Variants in TRIM69 observed in about 807,000 individuals in gnomAD.
The protein encoded by TRIM69 is E3 ubiquitin-protein ligase TRIM69.
TRIM69 carries 29 observed loss-of-function variants against 37.7 expected under a neutral mutation model. The ratio of observed to expected loss-of-function variants is 0.77; its 90% CI spans 0.57 to 1.05. The LOEUF (loss-of-function observed/expected upper bound fraction) is 1.05, where lower values mean the gene tolerates loss of function less well. Among genes scored for constraint, TRIM69 ranks in the 50% least tolerant of loss-of-function variants. The pLI is 0.00. For missense variants in TRIM69, 596 were observed against 579.9 expected (o/e 1.03, Z -0.28); for synonymous variants, 209 against 212.4 (o/e 0.98, Z 0.14).
At chr15:44,756,848 A>G (rs573455108) in intron 3 of TRIM69, 2 of 162,068 alleles carry the variant, frequency 1.2e-5, no homozygotes, top group African/African-American at 4.8e-5. Flanking sequence ...CTTTGAGTTT[A>G]TAACCAGACA....
intron 2 of TRIM69, among the ~76,000 whole-genome samples, chr15:44,755,911 A>G (rs544923394): frequency 6.6e-6 from 1 of 152,240 alleles, no homozygotes; most frequent in African/African-American, 2.4e-5. Context: ...GTTCCAAGTG[A>G]GAACAACACA....
At chr15:44,738,546 C>T (rs571818754) in intron 1 of TRIM69, among the ~76,000 whole-genome samples, 85 of 152,204 alleles carry the variant, frequency 5.6e-4, no homozygotes, top group Non-Finnish European at 9.6e-4. Context: ...TTTAGACTCT[C>T]ATTTGGTTTC....
At chr15:44,750,500 T>C (rs2087495831) in intron 1 of TRIM69, among the ~76,000 whole-genome samples, 2 of 152,128 alleles carry the variant, frequency 1.3e-5, no homozygotes, top group African/African-American at 4.8e-5. Context: ...AAATTTTCCA[T>C]CTCATCTGGG....
chr15:44,760,134 G>A (rs1358076213), intron 6 of TRIM69, among the ~76,000 whole-genome samples: 1 of 152,164 alleles, frequency 6.6e-6, no homozygotes, highest in Non-Finnish European at 1.5e-5. Flanking sequence ...ATGAAATGTG[G>A]CAACAGCCAA....
In TRIM69 at chr15:44,767,648, A is replaced by C. The variant is rs1011439676; in HGVS notation, c.1379A>C (p.Lys460Thr). The C allele has an allele frequency of 6.2e-7, 1 of 1,614,200 alleles. No homozygotes were observed. Among genetic ancestry groups the C allele is most frequent in the Non-Finnish European group, 8.5e-7 (1 of 1,180,030 alleles). ...EGGQLSFYNA[K>T]TMTHIYTFSN... ...GGACAGTTGTCCTTCTACAATGCTA[A>C]AACCATGACTCACATTTACACCTTC... is the stretch of plus-strand genomic sequence containing the variant. The change falls in exon 7 of 7, where the codon AAA becomes ACA. Residue 460 changes from lysine (K) to threonine (T), a missense_variant. By Grantham distance (78) the Lys-to-Thr change is moderately conservative. Transcript: ENST00000329464.
chr15:44,743,809 G>C (rs569059760), intron 1 of TRIM69, among the ~76,000 whole-genome samples: 2 of 152,300 alleles, frequency 1.3e-5, no homozygotes, highest in South Asian at 4.1e-4. Flanking sequence ...GGAAACAACA[G>C]GTGCTACAGA....
chr15:44,760,007 G>C lies in TRIM69; in HGVS notation c.961+135G>C. ...GTACAGTTTGGCCAAAAGGAGGCTA[G>C]TTGGTATGACTGAATTTCTTCTAGT... On this transcript the variant is annotated intron_variant, in intron 6 of 6. Coordinates refer to ENST00000329464, the MANE Select transcript of TRIM69 (RefSeq NM_182985.5). 3.2e-6 allele frequency: 3 copies of C among 933,784 alleles called. No individual in the cohort carries two copies. In the South Asian group the frequency reaches 5.5e-5, roughly 17 times the overall value. The allele number at this position is 933,784 out of a possible 1,614,324, so 57.8% of individuals were successfully genotyped here.
intron 1 of TRIM69, among the ~76,000 whole-genome samples, chr15:44,743,466 G>A (rs994988378): frequency 3.6e-4 from 55 of 152,260 alleles, no homozygotes; most frequent in African/African-American, 1.3e-3. Flanking sequence ...TGACAAATGC[G>A]ATCTAATTAA....
chr15:44,756,147 C>G (rs929763309), intron 2 of TRIM69, among the ~76,000 whole-genome samples: 2 of 152,174 alleles, frequency 1.3e-5, no homozygotes, highest in African/African-American at 4.8e-5. Flanking sequence ...CCATCTCAGT[C>G]TCCCAAAGTG....
chr15:44,759,761 A>AT lies in TRIM69; in HGVS notation c.851dup (p.Met284IlefsTer47), dbSNP rs2087733516. The AT allele has an allele frequency of 1.2e-6, 2 of 1,614,082 alleles. No homozygotes were observed. The highest frequency in any genetic ancestry group is 1.7e-6 in the Non-Finnish European group (2 of 1,180,040). ...TGTGCCCTGCAGCTTGGAGCAAGGA[A>AT]TGAAGGTGCTGGCAACCAGAGAGCT... On this transcript the variant is annotated frameshift_variant, in exon 6 of 7. Coordinates refer to ENST00000329464, the MANE Select transcript of TRIM69 (RefSeq NM_182985.5). LOFTEE classifies it high-confidence loss of function.
intron 6 of TRIM69, among the ~76,000 whole-genome samples, chr15:44,762,549 T>C (rs1307352108): frequency 6.6e-6 from 1 of 152,100 alleles, no homozygotes; most frequent in African/African-American, 2.4e-5. Flanking sequence ...TATTCAGTAC[T>C]TTTTTAGCCT....
intron 1 of TRIM69, among the ~76,000 whole-genome samples, chr15:44,746,203 G>A (rs1447594279): frequency 6.6e-6 from 1 of 152,146 alleles, no homozygotes; most frequent in African/African-American, 2.4e-5. Flanking sequence ...GAGAGCAATG[G>A]GATGACATCT....
intron 6 of TRIM69, among the ~76,000 whole-genome samples, 180 bp from the exon 7 acceptor site, chr15:44,767,051 C>T (rs2087903160): frequency 3.4e-4 from 1 of 2,924 alleles, no homozygotes; most frequent in African/African-American, 6.3e-4. Flanking sequence ...CCTTGTCTGC[C>T]TCAAAAAAAA....
At chr15:44,739,240 A>C (rs879659428) in intron 1 of TRIM69, among the ~76,000 whole-genome samples, 14 of 152,140 alleles carry the variant, frequency 9.2e-5, no homozygotes, top group Non-Finnish European at 1.5e-4. Flanking sequence ...AAACACACGG[A>C]GGGGGCAGCC....
In TRIM69 at chr15:44,748,581, T is replaced by G. The variant is rs375329142; in HGVS notation, c.7-6319T>G. On this transcript the variant is annotated intron_variant, in intron 1 of 6. Transcript: ENST00000329464. ...GGCTCATGCCTGTAATCTCAGCACT[T>G]TGGGAGGCCAAGGTGGGTGGATCAC... Among the ~76,000 whole-genome samples, 52 of 151,974 alleles carry G rather than the reference T, an allele frequency of 3.4e-4. 1 individual carries two copies. Among genetic ancestry groups the G allele is most frequent in the East Asian group, 2.3e-3 (12 of 5,108 alleles).
intron 1 of TRIM69, among the ~76,000 whole-genome samples, chr15:44,745,940 A>G (rs1158906476): frequency 6.6e-6 from 1 of 152,168 alleles, no homozygotes; most frequent in African/African-American, 2.4e-5. Context: ...CCCAGAAGAG[A>G]GGAGAGAAGG....
chr15:44,762,971 T>C (rs2087809470), intron 6 of TRIM69, among the ~76,000 whole-genome samples: 1 of 152,160 alleles, frequency 6.6e-6, no homozygotes, highest in Non-Finnish European at 1.5e-5. Flanking sequence ...ACTGAGAAGA[T>C]AGTATAGAGT....
At chr15:44,759,685 A>G (rs749913886) in intron 5 of TRIM69, 23 bp downstream of exon 5, 29 of 1,614,010 alleles carry the variant, frequency 1.8e-5, no homozygotes, top group Admixed American at 6.7e-5. Flanking sequence ...CTATGGTACT[A>G]TTAATATCAT....
chr15:44,744,638 C>A (rs984867914), intron 1 of TRIM69, among the ~76,000 whole-genome samples: 2 of 152,052 alleles, frequency 1.3e-5, no homozygotes, highest in African/African-American at 4.8e-5. Flanking sequence ...CTTTTTAACA[C>A]TTTAACTTAC....
Sources: allele counts gnomAD v4.1 joint callset (sites outside exome capture counted in the v4.1 genomes callset), GRCh38; gene constraint gnomAD v4.1.1; transcripts MANE v1.5; gene names NCBI Gene and HGNC (gene_info 2026-07-23, HGNC 2026-07-21).